Variants in SLC25A28 observed in about 807,000 individuals in gnomAD.
SLC25A28 encodes the protein solute carrier family 25 member 28.
SLC25A28 carries 10 observed loss-of-function variants against 31.9 expected under a neutral mutation model. The observed-to-expected ratio is 0.31, with a 90% CI of 0.19 to 0.53. The LOEUF (loss-of-function observed/expected upper bound fraction) is 0.53, where lower values mean the gene tolerates loss of function less well. Among genes scored for constraint, SLC25A28 ranks in the 20% least tolerant of loss-of-function variants. The pLI is 0.95. For missense variants in SLC25A28, 256 were observed against 490.3 expected, an observed-to-expected ratio of 0.52 and a Z score of 4.51; for synonymous variants, 208 against 203.6, an observed-to-expected ratio of 1.02 and a Z score of -0.19.
upstream of SLC25A28, among the ~76,000 whole-genome samples, chr10:99,624,409 T>C (rs2034847369): frequency 6.6e-6 from 1 of 152,164 alleles, no homozygotes; most frequent in South Asian, 2.1e-4. Context: ...TTCTGCATTT[T>C]TGACAAGCTC....
chr10:99,656,245 T>A, the SLC25A28 span, among the ~76,000 whole-genome samples: 3 of 152,098 alleles, frequency 2.0e-5, no homozygotes, highest in Non-Finnish European at 2.9e-5. Flanking sequence ...AGGAGGGGCA[T>A]GGGTCTGGGG....
rs751800150 is a variant in SLC25A28, at chr10:99,613,907, T to G, written c.309A>C (p.Leu103=). 4 of 1,607,996 alleles carry G rather than the reference T, an allele frequency of 2.5e-6. No homozygotes were observed. The South Asian group carries it at 4.4e-5, about 18-fold the overall frequency. ...GATAGCGGGCAGCTGGGTCAGGCTG[T>G]AGACTCTGCATCCGGGTCTGAAATT... is the stretch of plus-strand genomic sequence containing the variant. ...IDCVKTRMQS[L]QPDPAARYRN... is the part of the protein sequence containing the mutation. Residue 103 remains leucine, a synonymous_variant, in exon 2 of 4, where the codon CTA becomes CTC. Coordinates refer to ENST00000370495, the MANE Select transcript of SLC25A28 (RefSeq NM_031212.4). The surrounding 1 kb of genome is among the most constrained non-coding windows in gnomAD (Gnocchi z 4.9).
chr10:99,620,786 G>A, upstream of SLC25A28: 1 of 985,458 alleles, frequency 1.0e-6, no homozygotes, highest in Non-Finnish European at 1.2e-6. Context: ...GTCGGTCCCC[G>A]ATTGGCTACA....
the SLC25A28 span, among the ~76,000 whole-genome samples, chr10:99,639,522 C>A: frequency 6.6e-6 from 1 of 152,022 alleles, no homozygotes; most frequent in Non-Finnish European, 1.5e-5. Context: ...TTCTCAATTT[C>A]AAGGAATGCC....
intron 1 of SLC25A28, chr10:99,619,270 T>A (rs1033076539): frequency 3.1e-5 from 31 of 985,328 alleles, no homozygotes; most frequent in Non-Finnish European, 3.4e-5. Flanking sequence ...TCACACTTCC[T>A]TTCTAGGCAA....
the SLC25A28 span, among the ~76,000 whole-genome samples, chr10:99,643,011 A>G: frequency 2.0e-3 from 302 of 152,256 alleles, no homozygotes; most frequent in African/African-American, 5.8e-3. Flanking sequence ...CACCAGGGAT[A>G]TTAGTCTAAA....
At chr10:99,621,112 T>A, upstream of SLC25A28, 1 of 465,478 alleles carries the variant, frequency 2.1e-6, no homozygotes, top group Non-Finnish European at 2.8e-6. Flanking sequence ...CGGGAAGCCG[T>A]TGCGACATGC....
the SLC25A28 span, among the ~76,000 whole-genome samples, chr10:99,651,594 C>CTTTTT: frequency 0.018 from 2,005 of 110,148 alleles, 124 homozygotes; most frequent in African/African-American, 0.056. Context: ...TTTTTCTTTT[C>CTTTTT]TTTTTTTTTT....
the SLC25A28 span, among the ~76,000 whole-genome samples, chr10:99,635,700 C>T: frequency 6.7e-6 from 1 of 150,178 alleles, no homozygotes; most frequent in East Asian, 1.9e-4. Flanking sequence ...AGCTCACCAA[C>T]CAACTATCTG....
chr10:99,617,523 T>C (rs12571511), intron 1 of SLC25A28: 118,986 of 985,330 alleles, frequency 0.12, 7,539 homozygotes, highest in East Asian at 0.31. Flanking sequence ...CATCCACTTA[T>C]TAAAAGAAGA....
chr10:99,650,063 T>G, the SLC25A28 span, among the ~76,000 whole-genome samples: 130,726 of 152,192 alleles, frequency 0.86, 56,228 homozygotes, highest in Middle Eastern at 0.92. Flanking sequence ...TTTGGATATA[T>G]ATATTTAATG....
chr10:99,630,584 G>A, the SLC25A28 span, among the ~76,000 whole-genome samples: 69 of 152,282 alleles, frequency 4.5e-4, no homozygotes, highest in Admixed American at 1.3e-3. Context: ...CACTAGTTCT[G>A]AACATCCAAT....
intron 1 of SLC25A28, chr10:99,618,292 G>T (rs1253133701): frequency 3.0e-5 from 30 of 984,378 alleles, no homozygotes; most frequent in Non-Finnish European, 3.6e-5. Flanking sequence ...TGGTTAAATT[G>T]ATAAGTTACA....
At chr10:99,638,609 T>C in the SLC25A28 span, among the ~76,000 whole-genome samples, 1 of 151,796 alleles carries the variant, frequency 6.6e-6, no homozygotes, top group African/African-American at 2.4e-5. Flanking sequence ...AACAATCTTA[T>C]CAAAAAGTGG....
chr10:99,643,944 T>A, the SLC25A28 span, among the ~76,000 whole-genome samples: 1 of 152,250 alleles, frequency 6.6e-6, no homozygotes, highest in Non-Finnish European at 1.5e-5. Flanking sequence ...TTTGTTATAA[T>A]TTCTGTTCTT....
At chr10:99,645,949 A>G in the SLC25A28 span, among the ~76,000 whole-genome samples, 2 of 152,190 alleles carry the variant, frequency 1.3e-5, no homozygotes, top group African/African-American at 4.8e-5. Flanking sequence ...GCACCCAGCC[A>G]TATGAGGTGT....
chr10:99,610,802 A>G lies in SLC25A28; in HGVS notation c.*47T>C. On this transcript the variant is annotated 3_prime_UTR_variant, in exon 4 of 4. Transcript: ENST00000370495. ...ATTCCAGGAGACAGAGAATGTGACC[A>G]GGATGCAGCAGTGTCATCTGAACCC... The G allele has an allele frequency of 6.3e-7, 1 of 1,577,078 alleles. No homozygotes were observed. Among genetic ancestry groups the G allele is most frequent in the Non-Finnish European group, 8.6e-7 (1 of 1,158,448 alleles).
rs142931012 is a variant in SLC25A28 at position 99,619,428 on chromosome 10, G to C, written c.291+617C>G. ...AGGAAATAGGTGGGGTATCATGCTT[G>C]CTTCACAGAGAAACTGAAACCTATT... On this transcript the variant is annotated intron_variant, in intron 1 of 3. Transcript: ENST00000370495. 228 of 985,300 alleles carry C rather than the reference G, an allele frequency of 2.3e-4. 3 individuals are homozygous for C. The East Asian group carries it at 0.016, about 69-fold the overall frequency. The allele number at this position is 985,300 out of a possible 1,614,324, so 61.0% of individuals were successfully genotyped here. A position where few individuals can be genotyped will look rare whatever the true frequency, so the allele number is the denominator to read the frequency against.
chr10:99,645,334 A>C, the SLC25A28 span, among the ~76,000 whole-genome samples: 1 of 151,962 alleles, frequency 6.6e-6, no homozygotes, highest in African/African-American at 2.4e-5. Context: ...CCTTTCTTCC[A>C]CTTGATCGAA....
Sources: gnomAD v4.1 joint callset for allele counts (sites outside exome capture counted in the v4.1 genomes callset) on GRCh38, gnomAD v4.1.1 for gene constraint, Gnocchi (gnomAD v3.1) non-coding constraint, MANE v1.5 for transcripts, NCBI Gene and HGNC (gene_info 2026-07-23, HGNC 2026-07-21) for gene names.